The following CELF2 variants were observed in gnomAD, a reference collection of about 807,000 sequenced individuals.
CELF2 encodes the protein CUGBP Elav-like family member 2.
In CELF2, 8 loss-of-function variants were observed where a neutral mutation model predicts 62.6. That is an observed-to-expected ratio of 0.13 (90% CI 0.07 to 0.23). The LOEUF is 0.23. Among genes scored for constraint, CELF2 ranks in the 10% least tolerant of loss-of-function variants. The probability of loss-of-function intolerance (pLI) is 1.00; values close to 1 mark genes in which losing one functional copy is unlikely to be tolerated. For missense variants in CELF2, 333 were observed against 671.0 expected (o/e 0.50, Z 5.56); for synonymous variants, 258 against 250.0 (o/e 1.03, Z -0.30).
At chr10:10,933,807 G>T (rs897958107) in intron 2 of CELF2, among the ~76,000 whole-genome samples, 6 of 152,090 alleles carry the variant, frequency 3.9e-5, no homozygotes, top group African/African-American at 1.4e-4. Context: ...ATATTCTATT[G>T]TGTATATATA....
chr10:10,984,277 T>C (rs907041964), intron 2 of CELF2, among the ~76,000 whole-genome samples: 4 of 152,170 alleles, frequency 2.6e-5, no homozygotes, highest in African/African-American at 9.7e-5. Flanking sequence ...TCACATCCCA[T>C]CATAAAATAT....
intron 1 of CELF2, among the ~76,000 whole-genome samples, chr10:11,006,370 G>A (rs1452947028): frequency 1.3e-5 from 2 of 152,066 alleles, no homozygotes; most frequent in South Asian, 2.1e-4. Context: ...AGTATCTACC[G>A]TTCATAGAGC....
chr10:10,682,812 G>A, the CELF2 span, among the ~76,000 whole-genome samples: 1 of 151,908 alleles, frequency 6.6e-6, no homozygotes, highest in Non-Finnish European at 1.5e-5. Context: ...GTGTTTTCTT[G>A]TGTTTTCCCC....
At chr10:10,570,736 G>A in the CELF2 span, among the ~76,000 whole-genome samples, 1 of 152,072 alleles carries the variant, frequency 6.6e-6, no homozygotes, top group African/African-American at 2.4e-5. Context: ...AATTTACCTG[G>A]AACATTGATA....
intron 2 of CELF2, among the ~76,000 whole-genome samples, chr10:10,921,732 A>G (rs2064937630): frequency 6.6e-6 from 1 of 152,078 alleles, no homozygotes; most frequent in Non-Finnish European, 1.5e-5. Flanking sequence ...CTATTTGAAC[A>G]AGGATGGACG....
At chr10:11,295,207 ATTTT>A (rs137918228) in intron 9 of CELF2, among the ~76,000 whole-genome samples, 3 of 150,924 alleles carry the variant, frequency 2.0e-5, no homozygotes, top group Admixed American at 6.6e-5. Context: ...CTCTTGATAG[ATTTT>A]TTTTTTCATT....
At chr10:11,250,938 G>A (rs933933614) in intron 4 of CELF2, among the ~76,000 whole-genome samples, 1 of 152,220 alleles carries the variant, frequency 6.6e-6, no homozygotes, top group Non-Finnish European at 1.5e-5. Flanking sequence ...ACCCAGGCGG[G>A]CTCCTTTCAG....
chr10:10,593,453 C>G, the CELF2 span, among the ~76,000 whole-genome samples: 1 of 152,168 alleles, frequency 6.6e-6, no homozygotes, highest in Non-Finnish European at 1.5e-5. Flanking sequence ...AGTATGCAAA[C>G]CCCAATGCCC....
the CELF2 span, among the ~76,000 whole-genome samples, chr10:10,650,051 C>T: frequency 6.6e-6 from 1 of 152,194 alleles, no homozygotes; most frequent in African/African-American, 2.4e-5. Context: ...AATCACATTG[C>T]AACCATCAGG....
rs1056193336 is a variant in CELF2 at position 11,217,080 on chromosome 10, T to C, written c.272-345T>C. 1.3e-5 allele frequency among the ~76,000 whole-genome samples: 2 copies of C among 152,244 alleles called. No individual in the cohort carries two copies. The highest frequency in any genetic ancestry group is 4.8e-5 in the African/African-American group (2 of 41,458). On this transcript the variant is annotated intron_variant, in intron 2 of 12. Transcript: ENST00000633077. The surrounding 1 kb of genome is among the most constrained non-coding windows in gnomAD (Gnocchi z 5.6). ...TTAATGTAAGCTTGTGCTGTTGTTA[T>C]TGTGATTAAATGCTTCTCTTCACGT... is the stretch of plus-strand genomic sequence containing the variant.
At chr10:10,688,187 G>C in the CELF2 span, among the ~76,000 whole-genome samples, 1 of 152,212 alleles carries the variant, frequency 6.6e-6, no homozygotes, top group Non-Finnish European at 1.5e-5. Context: ...GATGGACTAA[G>C]TTCTGTCTTG....
At chr10:11,298,528 A>G (rs754050506) in intron 9 of CELF2, among the ~76,000 whole-genome samples, 8 of 152,240 alleles carry the variant, frequency 5.3e-5, no homozygotes, top group Non-Finnish European at 7.3e-5. Context: ...AAGTCAACCT[A>G]CAGAATGTAA....
chr10:11,213,094 C>T (rs928047828), intron 2 of CELF2, among the ~76,000 whole-genome samples: 9 of 145,138 alleles, frequency 6.2e-5, no homozygotes, highest in South Asian at 2.5e-4. Flanking sequence ...GGCCGGTCAC[C>T]TCTAACATGG....
the CELF2 span, among the ~76,000 whole-genome samples, chr10:10,497,953 C>T: frequency 6.6e-6 from 1 of 152,046 alleles, no homozygotes; most frequent in African/African-American, 2.4e-5. Flanking sequence ...ACAGAACAGA[C>T]CAAAAGGAGA....
chr10:11,162,260 CA>C (rs2065897935), intron 1 of CELF2, among the ~76,000 whole-genome samples: 1 of 150,730 alleles, frequency 6.6e-6, no homozygotes, highest in Admixed American at 6.6e-5. Flanking sequence ...GGAGAGTGGT[CA>C]ATGGGACAGG....
At position 11,255,527 on chromosome 10, in the gene CELF2, C is replaced by A. The variant is rs1019223640; in HGVS notation, c.404-2211C>A. On this transcript the variant is annotated intron_variant, in intron 4 of 12. Coordinates refer to ENST00000633077, the MANE Select transcript of CELF2 (RefSeq NM_001326342.2). The surrounding 1 kb of genome is among the most constrained non-coding windows in gnomAD (Gnocchi z 5.5). The stretch of plus-strand genomic sequence containing the variant: ...CCAGCTTCAATTCCACATCCCCCAG[C>A]GAGCCTTTCTCAAACACCTGGGTGC... 6.6e-6 allele frequency among the ~76,000 whole-genome samples: 1 copy of A among 152,168 alleles called. No individual in the cohort carries two copies. Among genetic ancestry groups the A allele is most frequent in the Non-Finnish European group, 1.5e-5 (1 of 68,038 alleles).
the CELF2 span, among the ~76,000 whole-genome samples, chr10:10,604,173 G>A: frequency 2.0e-5 from 3 of 152,150 alleles, no homozygotes; most frequent in Non-Finnish European, 4.4e-5. Flanking sequence ...TTTCACTACT[G>A]TGCTCCAACC....
At chr10:11,325,754 G>A (rs1390857868) in intron 11 of CELF2, 82 bp from the exon 12 acceptor site, 1 of 1,266,998 alleles carries the variant, frequency 7.9e-7, no homozygotes, top group Non-Finnish European at 1.1e-6. Context: ...TAGCCTACCT[G>A]TTGTTAAAGT....
chr10:11,093,817 C>T (rs1285254567), intron 1 of CELF2, among the ~76,000 whole-genome samples: 1 of 152,136 alleles, frequency 6.6e-6, no homozygotes, highest in South Asian at 2.1e-4. Context: ...AGTTAGAACT[C>T]CAGAATGACT....
Sources: gnomAD v4.1 joint callset for allele counts (sites outside exome capture counted in the v4.1 genomes callset) on GRCh38, gnomAD v4.1.1 for gene constraint, Gnocchi (gnomAD v3.1) non-coding constraint, MANE v1.5 for transcripts, NCBI Gene and HGNC (gene_info 2026-07-23, HGNC 2026-07-21) for gene names.